Variants in TCF20 observed in about 807,000 individuals in gnomAD.
TCF20 encodes SPRE-binding protein.
In TCF20, 3 loss-of-function variants were observed where a neutral mutation model predicts 148.6. The observed-to-expected ratio is 0.02, with a 90% CI of 0.01 to 0.05. The LOEUF (loss-of-function observed/expected upper bound fraction) is 0.05. TCF20 is among the 10% of genes least tolerant of loss of function. TCF20 has a pLI of 1.00. For synonymous variants in TCF20, 1,049 were observed against 909.5 expected (o/e 1.15, Z -2.76); for missense variants, 2,350 against 2,429.3 (o/e 0.97, Z 0.69).
intron 3 of TCF20, among the ~76,000 whole-genome samples, chr22:42,172,321 T>G (rs115676444): frequency 1.3e-5 from 2 of 152,216 alleles, no homozygotes; most frequent in Admixed American, 6.5e-5. Flanking sequence ...TGAAGAGCAG[T>G]AGGTGTAGTA....
rs765059427 is a variant in TCF20, at chr22:42,172,815, T to C, written c.5750-2919A>G. On this transcript the variant is annotated intron_variant, in intron 3 of 5. Coordinates refer to ENST00000677622, the MANE Select transcript of TCF20 (RefSeq NM_001378418.1). Reference sequence around the variant, plus strand: ...CTACCCCAGTACTACTGTTATTCCTTATGTTGGCACACTGCAGGGCTTGGG... The same window carrying C: ...CTACCCCAGTACTACTGTTATTCCTCATGTTGGCACACTGCAGGGCTTGGG... Among the ~76,000 whole-genome samples, 12 of 152,332 alleles carry C rather than the reference T, an allele frequency of 7.9e-5. 1 individual carries two copies. The South Asian group carries it at 1.4e-3, about 18-fold the overall frequency.
intron 1 of TCF20, among the ~76,000 whole-genome samples, chr22:42,337,622 C>G (rs188242330): frequency 2.6e-5 from 4 of 152,354 alleles, no homozygotes; most frequent in Admixed American, 2.6e-4. Context: ...TGATCCTTCT[C>G]CTGCATCAGT....
At position 42,160,447 on chromosome 22, in the gene TCF20, CG is replaced by C. The variant is rs1258727531; in HGVS notation, c.*955del. 1 of 152,662 alleles carries C rather than the reference CG, an allele frequency of 6.6e-6. No individual in the cohort carries two copies. The highest frequency in any genetic ancestry group is 1.5e-5 in the Non-Finnish European group (1 of 68,098). The allele number at this position is 152,662 out of a possible 1,614,324, so 9.5% of individuals were successfully genotyped here. On this transcript the variant is annotated 3_prime_UTR_variant, in exon 6 of 6. Transcript: ENST00000677622. ...AGGCCTGGACCTCCTCCCATCCCCA[CG>C]GGTCCCTGTGGGTCAGGGCACAGCT...
chr22:42,195,037 T>G (rs1015913208), intron 2 of TCF20, among the ~76,000 whole-genome samples: 8 of 151,262 alleles, frequency 5.3e-5, no homozygotes, highest in African/African-American at 1.9e-4. Context: ...ATGGTCATTG[T>G]GCATTTCAAT....
chr22:42,206,478 CTTTG>C (rs879899741), intron 2 of TCF20, among the ~76,000 whole-genome samples: 9,000 of 152,258 alleles, frequency 0.059, 874 homozygotes, highest in African/African-American at 0.2. Context: ...AAGAACTCAA[CTTTG>C]ACAAGAGGAT....
intron 4 of TCF20, 85 bp downstream of exon 4, chr22:42,169,762 C>A: frequency 7.0e-7 from 1 of 1,426,002 alleles, no homozygotes. Context: ...TGGGTGAGGC[C>A]CACCAACACC....
rs536904686 is a variant in TCF20, at chr22:42,177,481, T to C, written c.5749+2128A>G. Among the ~76,000 whole-genome samples, 209 of 152,256 alleles carry C rather than the reference T, an allele frequency of 1.4e-3. 1 individual carries two copies. Among genetic ancestry groups the C allele is most frequent in the Non-Finnish European group, 2.1e-4 (14 of 68,014 alleles). On this transcript the variant is annotated intron_variant, in intron 3 of 5. Coordinates refer to ENST00000677622, the MANE Select transcript of TCF20 (RefSeq NM_001378418.1). The stretch of plus-strand genomic sequence containing the variant: ...CCCACCTTGCCGCCAAAAAAGTAAC[T>C]GGGGAAAACACCCACTGAAGGGACT...
At chr22:42,327,482 C>T (rs942025722) in intron 1 of TCF20, among the ~76,000 whole-genome samples, 3 of 152,134 alleles carry the variant, frequency 2.0e-5, no homozygotes, top group African/African-American at 7.2e-5. Flanking sequence ...TGAGTGGGAA[C>T]CCCAGGAAAT....
At chr22:42,250,446 C>CAAA (rs35668152) in intron 1 of TCF20, among the ~76,000 whole-genome samples, 7 of 76,264 alleles carry the variant, frequency 9.2e-5, no homozygotes, top group Non-Finnish European at 1.5e-4. Flanking sequence ...AACTCCATCT[C>CAAA]AAAAAAAAAA....
At chr22:42,218,558 A>T (rs548500149) in intron 1 of TCF20, among the ~76,000 whole-genome samples, 1 of 152,374 alleles carries the variant, frequency 6.6e-6, no homozygotes, top group African/African-American at 2.4e-5. Context: ...TAAAGCTAGC[A>T]GTTTAAACTA....
intron 1 of TCF20, among the ~76,000 whole-genome samples, chr22:42,301,764 G>T (rs1365276331): frequency 6.6e-6 from 1 of 152,366 alleles, no homozygotes. Flanking sequence ...GGGAACAGGG[G>T]ACTCCCTTTC....
At chr22:42,323,740 C>T (rs71329136) in intron 1 of TCF20, among the ~76,000 whole-genome samples, 2,136 of 151,566 alleles carry the variant, frequency 0.014, 102 homozygotes, top group Non-Finnish European at 0.022. Context: ...GCCGAGAAGC[C>T]TCTGCTTCCT....
At chr22:42,217,890 C>T (rs1001622864) in intron 1 of TCF20, among the ~76,000 whole-genome samples, 1 of 152,280 alleles carries the variant, frequency 6.6e-6, no homozygotes, top group East Asian at 1.9e-4. Flanking sequence ...CTTGAAATAT[C>T]GTAAGTCTAA....
intron 2 of TCF20, among the ~76,000 whole-genome samples, chr22:42,205,602 T>C (rs1938331132): frequency 6.6e-6 from 1 of 152,244 alleles, no homozygotes; most frequent in South Asian, 2.1e-4. Context: ...CAAAGTATCC[T>C]GGACAATTGA....
chr22:42,167,665 G>A (rs1213098570), intron 5 of TCF20, among the ~76,000 whole-genome samples: 1 of 152,150 alleles, frequency 6.6e-6, no homozygotes, highest in African/African-American at 2.4e-5. Flanking sequence ...CCTGCCAAGA[G>A]GGCCGTGACC....
At chr22:42,246,593 A>C (rs569028859) in intron 1 of TCF20, among the ~76,000 whole-genome samples, 4 of 152,182 alleles carry the variant, frequency 2.6e-5, no homozygotes, top group Non-Finnish European at 4.4e-5. Context: ...TGTTCAATGC[A>C]CCGTAGAGGA....
chr22:42,336,954 C>G (rs1387328207), intron 1 of TCF20, among the ~76,000 whole-genome samples: 2 of 152,246 alleles, frequency 1.3e-5, no homozygotes, highest in East Asian at 3.8e-4. Flanking sequence ...TATCTTCTTC[C>G]TTGCTCACTG....
intron 5 of TCF20, among the ~76,000 whole-genome samples, chr22:42,165,163 C>T (rs1027861473): frequency 2.6e-5 from 4 of 152,204 alleles, no homozygotes; most frequent in African/African-American, 9.7e-5. Context: ...AGGTGTAACC[C>T]TGGACTGCCT....
chr22:42,327,526 C>T (rs1331306577), intron 1 of TCF20, among the ~76,000 whole-genome samples: 2 of 152,154 alleles, frequency 1.3e-5, no homozygotes, highest in African/African-American at 2.4e-5. Context: ...ATTTCCTGTG[C>T]GGAAGCTTCG....
Sources: allele counts gnomAD v4.1 joint callset (sites outside exome capture counted in the v4.1 genomes callset), GRCh38; gene constraint gnomAD v4.1.1; transcripts MANE v1.5; gene names NCBI Gene and HGNC (gene_info 2026-07-23, HGNC 2026-07-21).